The following FAAP24 variants were observed in gnomAD, a reference collection of about 807,000 sequenced individuals.
FAAP24 encodes Fanconi anemia core complex-associated protein 24.
FAAP24 carries 16 observed loss-of-function variants against 14.3 expected under a neutral mutation model. The observed-to-expected ratio is 1.12, with a 90% CI of 0.76 to 1.69. FAAP24 has a LOEUF of 1.69. Among genes scored for constraint, FAAP24 ranks in the 40% most tolerant of loss-of-function variants. FAAP24 has a pLI of 0.00. For missense variants in FAAP24, 234 were observed against 262.7 expected (o/e 0.89, Z 0.75); for synonymous variants, 111 against 106.2 (o/e 1.04, Z -0.28).
At position 32,977,359 on chromosome 19, in the gene FAAP24, G is replaced by A. The variant is rs889617881; in HGVS notation, c.*677G>A. 2.5e-6 allele frequency: 1 copy of A among 398,664 alleles called. No individual in the cohort carries two copies. Among genetic ancestry groups the A allele is most frequent in the Non-Finnish European group, 4.4e-6 (1 of 226,124 alleles). 24.7% of individuals were successfully genotyped at this position (398,664 alleles called of 1,614,324 possible). On this transcript the variant is annotated 3_prime_UTR_variant, in exon 5 of 5. Transcript: ENST00000588258. ...TCAGTGGTGGATGTGACCATCTGAAGGAAACAAATGTACAAGGAAGCACTG... is the reference window on the plus strand; with the variant it reads ...TCAGTGGTGGATGTGACCATCTGAAAGAAACAAATGTACAAGGAAGCACTG...
At chr19:32,974,285 A>G (rs1221167226) in intron 4 of FAAP24, 73 bp downstream of exon 4, 2 of 1,479,736 alleles carry the variant, frequency 1.4e-6, no homozygotes, top group Non-Finnish European at 1.8e-6. Flanking sequence ...AGAAGCAACC[A>G]TCAATCCAAT....
intron 4 of FAAP24, among the ~76,000 whole-genome samples, chr19:32,975,227 T>C (rs1239164686): frequency 6.7e-6 from 1 of 150,148 alleles, no homozygotes; most frequent in Non-Finnish European, 1.5e-5. Flanking sequence ...TGGAGTGCAG[T>C]GGTGCAATCT....
Position 32,973,410 on chromosome 19 carries a change from T to G in FAAP24, c.107-16T>G. ...TCCAAAGCTTATGGAACTCATTTTC[T>G]TCTCTGTATTTTAAGGGAAAATTAA... On this transcript the variant is annotated splice_polypyrimidine_tract_variant and intron_variant, in intron 2 of 4. Coordinates refer to ENST00000588258, the MANE Select transcript of FAAP24 (RefSeq NM_152266.5). 1 of 1,611,962 alleles carries G rather than the reference T, an allele frequency of 6.2e-7. No individual in the cohort carries two copies.
chr19:32,974,099 C>A lies in FAAP24; in HGVS notation c.283C>A (p.Arg95=), dbSNP rs555157808. Residue 95 remains arginine, a synonymous_variant, in exon 4 of 5, where the codon CGG becomes AGG. Coordinates refer to ENST00000588258, the MANE Select transcript of FAAP24 (RefSeq NM_152266.5). ...AGGAATTGTAGTCGTTGAAAAAACC[C>A]GGATGAGTGAACAATACTTCCCAGC... is the stretch of plus-strand genomic sequence containing the variant. The part of the protein sequence containing the change: ...LKGIVVVEKT[R]MSEQYFPALQ... The A allele has an allele frequency of 6.2e-7, 1 of 1,614,126 alleles. No homozygotes were observed. The highest frequency in any genetic ancestry group is 8.5e-7 in the Non-Finnish European group (1 of 1,180,018).
chr19:32,972,966 G>A (rs1971458098), intron 1 of FAAP24, among the ~76,000 whole-genome samples: 1 of 151,618 alleles, frequency 6.6e-6, no homozygotes, highest in Non-Finnish European at 1.5e-5. Context: ...CACCCGCCTC[G>A]CTCGGCCTCC....
chr19:32,973,498 A>G lies in FAAP24; in HGVS notation c.179A>G (p.Tyr60Cys), dbSNP rs1317565779. 1.2e-6 allele frequency: 2 copies of G among 1,614,098 alleles called. No homozygotes were observed. Among genetic ancestry groups the G allele is most frequent in the Non-Finnish European group, 1.7e-6 (2 of 1,180,044 alleles). Residue 60 changes from tyrosine (Y) to cysteine (C), a missense_variant, in exon 3 of 5, where the codon TAT becomes TGT. By Grantham distance (194) the Tyr-to-Cys change is radical (BLOSUM62 -2). Transcript: ENST00000588258. ...FYLSNRCCIL[Y>C]VTEADLVAGN... ...CTGTCGAACAGATGCTGCATTCTTT[A>G]TGTCACCGAAGCTGATTTGGTGGCA...
In FAAP24 at chr19:32,972,520, T is replaced by G. The variant is rs74437638; in HGVS notation, c.-14+174T>G. 7.0e-3 allele frequency: 2,714 copies of G among 387,862 alleles called. 53 individuals carry two copies. The highest frequency in any genetic ancestry group is 0.052 in the African/African-American group (2,500 of 48,326). 24.0% of individuals were successfully genotyped at this position (387,862 alleles called of 1,614,324 possible). ...TCGAACTCCTGGGCACAAGCGATCC[T>G]CACGCCTCAGCCTTGCCCAATGTTG... On this transcript the variant is annotated intron_variant, in intron 1 of 4. Coordinates refer to ENST00000588258, the MANE Select transcript of FAAP24 (RefSeq NM_152266.5).
chr19:32,972,833 C>T (rs1250422850), intron 1 of FAAP24, among the ~76,000 whole-genome samples: 1 of 151,184 alleles, frequency 6.6e-6, no homozygotes, highest in Admixed American at 6.6e-5. Context: ...TCTGCCTCAG[C>T]CTCCCAAGTG....
At chr19:32,973,122 T>C in intron 1 of FAAP24, 62 bp from the exon 2 acceptor site, 1 of 1,287,782 alleles carries the variant, frequency 7.8e-7, no homozygotes, top group Non-Finnish European at 1.1e-6. Context: ...TGGCTTGGAG[T>C]GGAATGCAGG....
chr19:32,975,747 C>T (rs1022830086), intron 4 of FAAP24, among the ~76,000 whole-genome samples: 2 of 152,144 alleles, frequency 1.3e-5, no homozygotes, highest in Non-Finnish European at 2.9e-5. Context: ...CGTGAGCCAT[C>T]GCGCCCGGCC....
intron 1 of FAAP24, among the ~76,000 whole-genome samples, chr19:32,972,697 G>A (rs1322967502): frequency 1.4e-5 from 2 of 144,412 alleles, no homozygotes; most frequent in East Asian, 2.1e-4. Context: ...TCAGGCCTTT[G>A]TGTTTTCTTT....
rs377681596 is a variant in FAAP24, at chr19:32,972,710, C to CTTTTTTTTT, written c.-14+368_-14+369insTTTTTTTTT. Among the ~76,000 whole-genome samples the CTTTTTTTTT allele has an allele frequency of 3.5e-3, 445 of 128,426 alleles. 6 individuals are homozygous for CTTTTTTTTT. Among genetic ancestry groups the CTTTTTTTTT allele is most frequent in the South Asian group, 8.2e-3 (32 of 3,900 alleles). 84.3% of individuals were successfully genotyped at this position (128,426 alleles called of 152,430 possible). On this transcript the variant is annotated intron_variant, in intron 1 of 4. Coordinates refer to ENST00000588258, the MANE Select transcript of FAAP24 (RefSeq NM_152266.5). ...ATTCAGGCCTTTGTGTTTTCTTTTTCTTTTCTTTTTTTTTTTTTTTTTTGA... is the reference window on the plus strand; with the variant it reads ...ATTCAGGCCTTTGTGTTTTCTTTTTCTTTTTTTTTTTTTCTTTTTTTTTTTTTTTTTTGA...
intron 4 of FAAP24, 106 bp downstream of exon 4, chr19:32,974,318 T>G: frequency 1.5e-6 from 2 of 1,344,644 alleles, no homozygotes; most frequent in South Asian, 2.9e-5. Flanking sequence ...CTGACTTGGT[T>G]TATAAAATCT....
Position 32,976,862 on chromosome 19 carries a change from A to G in FAAP24, c.*180A>G, listed in dbSNP as rs1568305603. ...CAGGAGTTCAAGACCAGCCTGGCCAACATGGAGAAACCCCTAAAAATAGGA... is the reference window on the plus strand; with the variant it reads ...CAGGAGTTCAAGACCAGCCTGGCCAGCATGGAGAAACCCCTAAAAATAGGA... On this transcript the variant is annotated 3_prime_UTR_variant, in exon 5 of 5. Coordinates refer to ENST00000588258, the MANE Select transcript of FAAP24 (RefSeq NM_152266.5). The G allele has an allele frequency of 1.4e-6, 1 of 694,812 alleles. No individual in the cohort carries two copies. Among genetic ancestry groups the G allele is most frequent in the Admixed American group, 3.0e-5 (1 of 32,842 alleles). The allele number at this position is 694,812 out of a possible 1,614,324, so 43.0% of individuals were successfully genotyped here. A position where few individuals can be genotyped will look rare whatever the true frequency, so the allele number is the denominator to read the frequency against.
chr19:32,976,891 A>G lies in FAAP24; in HGVS notation c.*209A>G, dbSNP rs140709085. On this transcript the variant is annotated 3_prime_UTR_variant, in exon 5 of 5. Transcript: ENST00000588258. ...GGAGAAACCCCTAAAAATAGGAACA[A>G]TTAGCCAGGCATGGTGACAGGTGCC... 3.4e-4 allele frequency: 209 copies of G among 610,076 alleles called. 1 individual carries two copies. Among genetic ancestry groups the G allele is most frequent in the African/African-American group, 2.7e-3 (145 of 53,942 alleles). 37.8% of individuals were successfully genotyped at this position (610,076 alleles called of 1,614,324 possible).
chr19:32,974,918 C>T (rs1430825516), intron 4 of FAAP24, among the ~76,000 whole-genome samples: 1 of 151,640 alleles, frequency 6.6e-6, no homozygotes, highest in Non-Finnish European at 1.5e-5. Context: ...CTCTGTCCTA[C>T]AGGCCAGAGT....
chr19:32,973,148 G>T (rs752564086), intron 1 of FAAP24, 36 bp from the exon 2 acceptor site: 1 of 1,560,214 alleles, frequency 6.4e-7, no homozygotes, highest in South Asian at 1.1e-5. Flanking sequence ...GTGCAGGAGA[G>T]CCTGCTCAAG....
Position 32,976,455 on chromosome 19 carries a change from A to C in FAAP24, c.421A>C (p.Ser141Arg). The C allele has an allele frequency of 6.2e-7, 1 of 1,614,154 alleles. No homozygotes were observed. Reference sequence around the variant, plus strand: ...GGTTCAAGAGCAAACCAAAGAGCCCAGTAAGAACCCTCTTCTCGGGAAGAA... The same window carrying C: ...GGTTCAAGAGCAAACCAAAGAGCCCCGTAAGAACCCTCTTCTCGGGAAGAA... ...QLVQEQTKEP[S>R]KNPLLGKKRA... is the part of the protein sequence containing the mutation. The change falls in exon 5 of 5, where the codon AGT becomes CGT. Residue 141 changes from serine (S) to arginine (R), a missense_variant. Physicochemically the swap from Ser to Arg is moderately radical, Grantham distance 110. Transcript: ENST00000588258.
intron 3 of FAAP24, 42 bp downstream of exon 3, chr19:32,973,604 C>T: frequency 4.4e-6 from 7 of 1,608,896 alleles, no homozygotes; most frequent in Non-Finnish European, 5.9e-6. Flanking sequence ...CCAGTAATCC[C>T]AGCACTTTGG....
Sources: allele counts gnomAD v4.1 joint callset (sites outside exome capture counted in the v4.1 genomes callset), GRCh38; gene constraint gnomAD v4.1.1; transcripts MANE v1.5; gene names NCBI Gene and HGNC (gene_info 2026-07-23, HGNC 2026-07-21).